Variants in MID2 observed in about 807,000 individuals in gnomAD.
MID2 encodes the protein probable E3 ubiquitin-protein ligase MID2.
MID2 carries 13 observed loss-of-function variants against 46.1 expected under a neutral mutation model. The observed-to-expected ratio is 0.28, with a 90% CI of 0.18 to 0.45. MID2 has a LOEUF of 0.45. Ranked by LOEUF, MID2 falls within the 20% of genes least tolerant of loss-of-function variation. The pLI is 1.00. For missense variants in MID2, 431 were observed against 575.4 expected (o/e 0.75, Z 2.57); for synonymous variants, 199 against 212.3 (o/e 0.94, Z 0.55).
At chrX:107,859,735 T>C (rs1434856895) in intron 3 of MID2, among the ~76,000 whole-genome samples, 2 of 112,070 alleles carry the variant, frequency 1.8e-5, no homozygotes, top group East Asian at 5.6e-4. Context: ...TATCTTGAAA[T>C]AAGAGTAGAA....
At chrX:107,895,895 G>A (rs374488584) in intron 3 of MID2, 1 of 112,079 alleles carries the variant, frequency 8.9e-6, no homozygotes, top group African/African-American at 3.2e-5. Context: ...TTAAGTGATG[G>A]AGTAGGAATC....
chrX:107,865,048 C>T (rs1344066332), intron 3 of MID2, among the ~76,000 whole-genome samples: 1 of 112,299 alleles, frequency 8.9e-6, no homozygotes, highest in African/African-American at 3.2e-5. Flanking sequence ...GATGGGGTAA[C>T]TGAAGCACAC....
chrX:107,844,841 A>G (rs968353049), intron 2 of MID2, among the ~76,000 whole-genome samples: 3 of 111,586 alleles, frequency 2.7e-5, no homozygotes, highest in African/African-American at 9.8e-5. Context: ...GCATAATTCA[A>G]ACCCCATAAG....
At chrX:107,915,368 C>A (rs972822974) in intron 5 of MID2, among the ~76,000 whole-genome samples, 1 of 111,623 alleles carries the variant, frequency 9.0e-6, no homozygotes, top group African/African-American at 3.3e-5. Flanking sequence ...ACCAGCCTGG[C>A]CAACTTGGCA....
At chrX:107,871,017 T>G (rs1271897824) in intron 3 of MID2, among the ~76,000 whole-genome samples, 1 of 111,237 alleles carries the variant, frequency 9.0e-6, no homozygotes, top group Non-Finnish European at 1.9e-5. Flanking sequence ...TTCATTTTTT[T>G]GTCCTTTTCC....
At chrX:107,826,550 C>T in intron 1 of MID2, 120 bp downstream of exon 1, 1 of 895,049 alleles carries the variant, frequency 1.1e-6, no homozygotes. Flanking sequence ...CGAGGGCTCT[C>T]CGGCTCGGCG....
intron 1 of MID2, 44 bp downstream of exon 1, chrX:107,826,474 T>C: frequency 8.9e-7 from 1 of 1,124,429 alleles, no homozygotes; most frequent in Non-Finnish European, 1.2e-6. Flanking sequence ...TCGAGCGTCG[T>C]AGCCCTCGCA....
intron 2 of MID2, among the ~76,000 whole-genome samples, chrX:107,844,100 C>T (rs777387930): frequency 2.2e-4 from 25 of 111,386 alleles, no homozygotes; most frequent in African/African-American, 7.5e-4. Flanking sequence ...TTTTTATATA[C>T]GAACCTCCCT....
chrX:107,832,611 C>T (rs1931114527), intron 1 of MID2, among the ~76,000 whole-genome samples: 1 of 111,286 alleles, frequency 9.0e-6, no homozygotes, highest in Admixed American at 9.5e-5. Context: ...TTAAATGTAC[C>T]TAGGATTGCT....
chrX:107,831,223 C>G (rs1183512760), intron 1 of MID2, among the ~76,000 whole-genome samples: 1 of 111,680 alleles, frequency 9.0e-6, no homozygotes, highest in African/African-American at 3.3e-5. Flanking sequence ...GGCCTCCCTG[C>G]AGAGCTCTGG....
At chrX:107,903,933 G>A (rs1043003844) in intron 3 of MID2, 25 bp from the exon 4 acceptor site, 1 of 1,087,457 alleles carries the variant, frequency 9.2e-7, no homozygotes, top group African/African-American at 1.8e-5. Context: ...CAATCACTGT[G>A]TAATACTCTG....
chrX:107,829,638 C>A (rs1931045972), intron 1 of MID2, among the ~76,000 whole-genome samples: 1 of 111,936 alleles, frequency 8.9e-6, no homozygotes, highest in Non-Finnish European at 1.9e-5. Context: ...GGCTGAGGCC[C>A]CAGATTTAGC....
At chrX:107,847,849 A>G (rs1931526066) in intron 2 of MID2, among the ~76,000 whole-genome samples, 1 of 111,486 alleles carries the variant, frequency 9.0e-6, no homozygotes, top group Admixed American at 9.6e-5. Flanking sequence ...TGACAGTGGA[A>G]GAACAGGGGC....
At chrX:107,845,321 G>T (rs984551867) in intron 2 of MID2, among the ~76,000 whole-genome samples, 47 of 111,325 alleles carry the variant, frequency 4.2e-4, no homozygotes, top group African/African-American at 1.5e-3. Context: ...AAAACCAGGG[G>T]GAATAGAGGA....
rs1193188324 is a variant in MID2 at position 107,845,523 on chromosome X, A to ACTCTCT, written c.720+4139_720+4140insTCTCTC. ...CACACACACACACACACACACACAC[A>ACTCTCT]CACTCTCTCTCTCTCTCTCTCTCTC... On this transcript the variant is annotated intron_variant, in intron 2 of 9. Transcript: ENST00000262843. Among the ~76,000 whole-genome samples, 556 of 85,779 alleles carry ACTCTCT rather than the reference A, an allele frequency of 6.5e-3. 9 individuals are homozygous for ACTCTCT. Among genetic ancestry groups the ACTCTCT allele is most frequent in the African/African-American group, 0.037 (516 of 13,808 alleles). 74.5% of individuals were successfully genotyped at this position (85,779 alleles called of 115,157 possible).
At chrX:107,841,547 A>G (rs926482725) in intron 2 of MID2, among the ~76,000 whole-genome samples, 162 bp downstream of exon 2, 2 of 112,548 alleles carry the variant, frequency 1.8e-5, no homozygotes, top group African/African-American at 3.2e-5. Context: ...CCTGGAGCCT[A>G]TCTCATCTGT....
intron 3 of MID2, among the ~76,000 whole-genome samples, chrX:107,856,129 T>C (rs1342924219): frequency 8.9e-6 from 1 of 112,194 alleles, no homozygotes; most frequent in African/African-American, 3.2e-5. Flanking sequence ...ATGCTGTGAA[T>C]GGTAACTTTC....
chrX:107,919,069 G>A (rs1470396190), intron 7 of MID2, among the ~76,000 whole-genome samples: 1 of 110,200 alleles, frequency 9.1e-6, no homozygotes, highest in Non-Finnish European at 1.9e-5. Context: ...CCAGTGATAG[G>A]TACCTCACTT....
intron 3 of MID2, among the ~76,000 whole-genome samples, chrX:107,899,655 C>A (rs1437314833): frequency 8.9e-6 from 1 of 111,732 alleles, no homozygotes; most frequent in East Asian, 2.8e-4. Context: ...ACATCACAAA[C>A]TGCCTCCCAA....
Sources: gnomAD v4.1 joint callset for allele counts (sites outside exome capture counted in the v4.1 genomes callset) on GRCh38, gnomAD v4.1.1 for gene constraint, MANE v1.5 for transcripts, NCBI Gene and HGNC (gene_info 2026-07-23, HGNC 2026-07-21) for gene names.